The following VGLL3 variants were observed in gnomAD, a reference collection of about 807,000 sequenced individuals.
VGLL3 encodes transcription cofactor vestigial-like protein 3.
In VGLL3, 18 loss-of-function variants were observed where a neutral mutation model predicts 29.2. The ratio of observed to expected loss-of-function variants is 0.62; its 90% CI spans 0.43 to 0.91. The LOEUF (loss-of-function observed/expected upper bound fraction) is 0.91. VGLL3 is among the 40% of genes least tolerant of loss of function. The pLI is 0.00. For missense variants in VGLL3, 440 were observed against 413.2 expected (o/e 1.06, Z -0.56); for synonymous variants, 180 against 151.8 (o/e 1.19, Z -1.36).
At chr3:86,971,518 T>A (rs974071076) in intron 2 of VGLL3, among the ~76,000 whole-genome samples, 4 of 152,212 alleles carry the variant, frequency 2.6e-5, no homozygotes, top group Non-Finnish European at 5.9e-5. Flanking sequence ...ACACTTTAAG[T>A]CTTCAAACAA....
At chr3:86,977,257 G>C (rs1705228414) in intron 2 of VGLL3, among the ~76,000 whole-genome samples, 1 of 152,074 alleles carries the variant, frequency 6.6e-6, no homozygotes. Flanking sequence ...GAAGGAAGGA[G>C]AGAGGGTAAG....
At chr3:86,970,122 T>C (rs1705062925) in intron 2 of VGLL3, among the ~76,000 whole-genome samples, 1 of 152,084 alleles carries the variant, frequency 6.6e-6, no homozygotes, top group Admixed American at 6.5e-5. Flanking sequence ...GAGGGAAATA[T>C]CAAAGAATAG....
rs559101684 is a variant in VGLL3 at position 86,978,533 on chromosome 3, T to A, written c.396A>T (p.Leu132=). 4.3e-6 allele frequency: 7 copies of A among 1,614,130 alleles called. No homozygotes were observed. The highest frequency in any genetic ancestry group is 1.3e-5 in the African/African-American group (1 of 75,064). The change falls in exon 2 of 4, where the codon CTA becomes CTT. Residue 132 remains leucine (L), a synonymous_variant. Transcript: ENST00000398399. Reference sequence around the variant, plus strand: ...CTGCTTTTGAATTCTTACCTCGCCATAGGGGGGTTAGCCCCATCTTGCTTT... The same window carrying A: ...CTGCTTTTGAATTCTTACCTCGCCAAAGGGGGGTTAGCCCCATCTTGCTTT... ...ISKSKMGLTP[L]WRDSSALSSQ...
intron 3 of VGLL3, among the ~76,000 whole-genome samples, chr3:86,956,250 A>T (rs1330927978): frequency 6.6e-6 from 1 of 152,244 alleles, no homozygotes; most frequent in African/African-American, 2.4e-5. Context: ...TTATTTGCTG[A>T]TAAGAACCTG....
intron 3 of VGLL3, among the ~76,000 whole-genome samples, chr3:86,949,775 C>G (rs560438378): frequency 6.9e-6 from 1 of 145,350 alleles, no homozygotes; most frequent in Non-Finnish European, 1.5e-5. Context: ...CACAGTGAGC[C>G]GAGATCATGC....
intron 3 of VGLL3, among the ~76,000 whole-genome samples, chr3:86,963,738 T>C (rs1704904984): frequency 6.6e-6 from 1 of 152,180 alleles, no homozygotes; most frequent in Non-Finnish European, 1.5e-5. Context: ...AACAATCCTA[T>C]TAGGCATTGT....
chr3:86,962,436 C>A, intron 3 of VGLL3: 1 of 985,260 alleles, frequency 1.0e-6, no homozygotes, highest in South Asian at 4.7e-5. Context: ...ACCACTCAGC[C>A]CTTCGGAAAA....
At chr3:86,960,053 A>C (rs1704806113) in intron 3 of VGLL3, among the ~76,000 whole-genome samples, 1 of 152,108 alleles carries the variant, frequency 6.6e-6, no homozygotes, top group Non-Finnish European at 1.5e-5. Flanking sequence ...CAAAACCAAG[A>C]TATTTATGTT....
chr3:86,985,295 A>G (rs1427386888), intron 1 of VGLL3, among the ~76,000 whole-genome samples: 1 of 152,208 alleles, frequency 6.6e-6, no homozygotes, highest in Non-Finnish European at 1.5e-5. Flanking sequence ...CCTAGGAATT[A>G]GTTATGGCAC....
intron 3 of VGLL3, among the ~76,000 whole-genome samples, chr3:86,960,267 A>C (rs934017736): frequency 1.3e-5 from 2 of 152,116 alleles, no homozygotes; most frequent in Admixed American, 6.5e-5. Context: ...TGTTGTTTTT[A>C]AATATAGTTT....
intron 1 of VGLL3, among the ~76,000 whole-genome samples, chr3:86,987,617 G>A (rs1398342234): frequency 6.6e-6 from 1 of 152,162 alleles, no homozygotes; most frequent in African/African-American, 2.4e-5. Context: ...TGGTGGGCAT[G>A]CGAAACAGGT....
intron 3 of VGLL3, among the ~76,000 whole-genome samples, chr3:86,958,729 G>T (rs1026099323): frequency 2.6e-5 from 4 of 152,152 alleles, no homozygotes; most frequent in African/African-American, 9.7e-5. Context: ...TTTTCATGCA[G>T]ATCTCACAGG....
intron 2 of VGLL3, among the ~76,000 whole-genome samples, chr3:86,972,419 T>C (rs767483737): frequency 2.6e-5 from 4 of 152,198 alleles, no homozygotes; most frequent in Admixed American, 1.3e-4. Flanking sequence ...TGAAACAATA[T>C]TGAGTTGAAA....
At chr3:86,975,214 G>A (rs982230792) in intron 2 of VGLL3, among the ~76,000 whole-genome samples, 2 of 152,170 alleles carry the variant, frequency 1.3e-5, no homozygotes, top group Non-Finnish European at 2.9e-5. Flanking sequence ...CCAATCCTGT[G>A]TAGCTTTGCC....
At chr3:86,974,121 A>ATT (rs1169287620) in intron 2 of VGLL3, among the ~76,000 whole-genome samples, 6 of 140,682 alleles carry the variant, frequency 4.3e-5, no homozygotes, top group African/African-American at 1.3e-4. Context: ...TAGGTTTGTT[A>ATT]TTTTTTTTTT....
In VGLL3 at chr3:86,946,852, G is replaced by A. The variant is rs747536464; in HGVS notation, c.*172C>T. 3.5e-6 allele frequency: 2 copies of A among 571,112 alleles called. No homozygotes were observed. Among genetic ancestry groups the A allele is most frequent in the Non-Finnish European group, 6.3e-6 (2 of 316,748 alleles). 35.4% of individuals were successfully genotyped at this position (571,112 alleles called of 1,614,324 possible). On this transcript the variant is annotated 3_prime_UTR_variant, in exon 4 of 4. Coordinates refer to ENST00000398399, the MANE Select transcript of VGLL3 (RefSeq NM_016206.4). ...ATAAAAATGCTTTTCTTCAATGTCT[G>A]GGACCCACTTTGCTTTCTCAAGAAA...
In VGLL3 at chr3:86,946,017, A is replaced by T. The variant is rs1451981550; in HGVS notation, c.*1007T>A. On this transcript the variant is annotated 3_prime_UTR_variant, in exon 4 of 4. Coordinates refer to ENST00000398399, the MANE Select transcript of VGLL3 (RefSeq NM_016206.4). The stretch of plus-strand genomic sequence containing the variant: ...TCCCACTTAAAATATGACTTTTTAA[A>T]TTGCCATGAATGAATAATTAAAAAC... 6.6e-6 allele frequency: 1 copy of T among 152,158 alleles called. No individual in the cohort carries two copies. Among genetic ancestry groups the T allele is most frequent in the Non-Finnish European group, 1.5e-5 (1 of 68,026 alleles). 9.4% of individuals were successfully genotyped at this position (152,158 alleles called of 1,614,324 possible).
At chr3:86,963,872 A>T (rs945208946) in intron 3 of VGLL3, among the ~76,000 whole-genome samples, 3 of 152,230 alleles carry the variant, frequency 2.0e-5, no homozygotes, top group Non-Finnish European at 4.4e-5. Context: ...CATGCCGTCC[A>T]CTAACTCTCC....
intron 2 of VGLL3, among the ~76,000 whole-genome samples, chr3:86,969,883 G>C (rs13060248): frequency 0.031 from 4,739 of 152,144 alleles, 117 homozygotes; most frequent in Non-Finnish European, 0.044. Flanking sequence ...CCCATGATGA[G>C]AAAATCCCAG....
Sources: allele counts gnomAD v4.1 joint callset (sites outside exome capture counted in the v4.1 genomes callset), GRCh38; gene constraint gnomAD v4.1.1; transcripts MANE v1.5; gene names NCBI Gene and HGNC (gene_info 2026-07-23, HGNC 2026-07-21).